CNTN3: variants seen among roughly 807,000 people sequenced by gnomAD.
CNTN3 encodes the protein contactin-3.
In CNTN3, 60 loss-of-function variants were observed where a neutral mutation model predicts 119.1. That is an observed-to-expected ratio of 0.50 (90% confidence interval 0.41 to 0.62). CNTN3 has a LOEUF of 0.62. Among genes scored for constraint, CNTN3 ranks in the 20% least tolerant of loss-of-function variants. The pLI is 0.00. For synonymous variants in CNTN3, 450 were observed against 438.7 expected, an observed-to-expected ratio of 1.03 and a Z score of -0.32; for missense variants, 1,101 against 1,242.4, an observed-to-expected ratio of 0.89 and a Z score of 1.71.
intron 2 of CNTN3, among the ~76,000 whole-genome samples, chr3:74,512,832 T>C (rs1338123470): frequency 6.6e-6 from 1 of 152,084 alleles, no homozygotes; most frequent in Non-Finnish European, 1.5e-5. Flanking sequence ...CAGTCAATGC[T>C]TCATAATTAT....
chr3:74,564,866 C>T (rs745667896), intron 1 of CNTN3, among the ~76,000 whole-genome samples: 4 of 151,984 alleles, frequency 2.6e-5, no homozygotes, highest in Non-Finnish European at 4.4e-5. Context: ...TCCAAAGATA[C>T]CGACATCGTG....
In CNTN3 at chr3:74,365,650, G is replaced by T. The variant is rs550056428; in HGVS notation, c.999C>A (p.Asp333Glu). 6.2e-7 allele frequency: 1 copy of T among 1,613,394 alleles called. No individual in the cohort carries two copies. The highest frequency in any genetic ancestry group is 8.5e-7 in the Non-Finnish European group (1 of 1,179,544). Residue 333 changes from aspartate to glutamate, a missense_variant, in exon 9 of 23, where the codon GAC (aspartate) becomes GAA (glutamate). Transcript: ENST00000263665. ...LIKDVEIAVE[D>E]SLYWECRASG... ...TTGCCCTGCATTCCCAATAAAGACT[G>T]TCCTCCACGGCTATTTCCACATCCT...
intron 2 of CNTN3, among the ~76,000 whole-genome samples, chr3:74,504,317 A>C (rs906454965): frequency 2.0e-5 from 3 of 152,190 alleles, no homozygotes; most frequent in African/African-American, 7.2e-5. Context: ...TTTAGAAAGG[A>C]ATATTCCGTG....
chr3:74,345,325 G>C (rs533562537), intron 11 of CNTN3, among the ~76,000 whole-genome samples: 1 of 152,242 alleles, frequency 6.6e-6, no homozygotes, highest in South Asian at 2.1e-4. Context: ...CCTTTCATAA[G>C]GTAATAAAAC....
chr3:74,449,430 A>C (rs1338150378), intron 4 of CNTN3, among the ~76,000 whole-genome samples: 1 of 152,106 alleles, frequency 6.6e-6, no homozygotes, highest in Non-Finnish European at 1.5e-5. Context: ...TGTTTTTGAT[A>C]AAGAGAAGAA....
At chr3:74,402,554 C>T (rs998363346) in intron 5 of CNTN3, among the ~76,000 whole-genome samples, 1 of 152,156 alleles carries the variant, frequency 6.6e-6, no homozygotes, top group Non-Finnish European at 1.5e-5. Flanking sequence ...CCAGCAGATA[C>T]CTGCATCTGT....
At chr3:74,367,777 T>C (rs756916511) in intron 8 of CNTN3, among the ~76,000 whole-genome samples, 20 of 152,136 alleles carry the variant, frequency 1.3e-4, no homozygotes, top group Non-Finnish European at 2.6e-4. Flanking sequence ...TTGTTTATTA[T>C]GTATACAGGG....
At chr3:74,473,347 T>TAA (rs1463581279) in intron 4 of CNTN3, among the ~76,000 whole-genome samples, 1 of 152,190 alleles carries the variant, frequency 6.6e-6, no homozygotes, top group Non-Finnish European at 1.5e-5. Context: ...CAGAGATCAT[T>TAA]AACCAGTGAC....
chr3:74,361,428 G>T (rs1472211331), intron 11 of CNTN3, among the ~76,000 whole-genome samples: 3 of 152,156 alleles, frequency 2.0e-5, no homozygotes, highest in Non-Finnish European at 4.4e-5. Context: ...TCATCTCAGT[G>T]TTATAATTAC....
chr3:74,517,195 C>G (rs1234276759), intron 2 of CNTN3, among the ~76,000 whole-genome samples: 1 of 151,920 alleles, frequency 6.6e-6, no homozygotes, highest in African/African-American at 2.4e-5. Flanking sequence ...CCTTTTTAGG[C>G]CAAACCAATG....
At chr3:74,528,735 T>G (rs1703654773) in intron 1 of CNTN3, among the ~76,000 whole-genome samples, 1 of 151,964 alleles carries the variant, frequency 6.6e-6, no homozygotes, top group African/African-American at 2.4e-5. Flanking sequence ...TAACCTGATA[T>G]TTTATGTATT....
chr3:74,583,557 C>T (rs774916108), intron 1 of CNTN3, among the ~76,000 whole-genome samples: 4 of 151,912 alleles, frequency 2.6e-5, no homozygotes, highest in Non-Finnish European at 4.4e-5. Context: ...ACTCGGAGGA[C>T]GTGGGGAACT....
intron 5 of CNTN3, among the ~76,000 whole-genome samples, chr3:74,379,995 G>A (rs1425157596): frequency 1.3e-5 from 2 of 152,210 alleles, no homozygotes; most frequent in African/African-American, 4.8e-5. Context: ...CCTCAAGCTT[G>A]CAGTTCCTGC....
intron 5 of CNTN3, among the ~76,000 whole-genome samples, chr3:74,407,733 A>G (rs909003054): frequency 2.0e-5 from 3 of 152,106 alleles, no homozygotes; most frequent in African/African-American, 7.2e-5. Flanking sequence ...CCACAATGCA[A>G]TATATCAATG....
At chr3:74,588,477 C>G (rs896748299) in intron 1 of CNTN3, among the ~76,000 whole-genome samples, 41 of 152,110 alleles carry the variant, frequency 2.7e-4, no homozygotes, top group African/African-American at 8.2e-4. Context: ...AATGGAAGAA[C>G]ATTCCATGCT....
At chr3:74,558,996 A>ATAATAAT (rs1704111338) in intron 1 of CNTN3, among the ~76,000 whole-genome samples, 1 of 150,046 alleles carries the variant, frequency 6.7e-6, no homozygotes, top group Non-Finnish European at 1.5e-5. Flanking sequence ...AATAATAATA[A>ATAATAAT]TAATAATAAT....
intron 20 of CNTN3, among the ~76,000 whole-genome samples, chr3:74,272,194 C>A (rs1701790982): frequency 6.6e-6 from 1 of 152,080 alleles, no homozygotes; most frequent in Non-Finnish European, 1.5e-5. Context: ...AAAAAAATCA[C>A]AAAATAATCT....
chr3:74,421,525 T>A (rs950521985), intron 5 of CNTN3, among the ~76,000 whole-genome samples: 2 of 152,240 alleles, frequency 1.3e-5, no homozygotes, highest in African/African-American at 4.8e-5. Flanking sequence ...TAGGCTGATA[T>A]AAGAGGAAAT....
In CNTN3 at chr3:74,263,367, C is replaced by T. The variant is rs1701611225; in HGVS notation, c.*1034G>A. ...CTCTGCCATCCAAAAAGAGAGGGTC[C>T]CTTAATGGAATTGGAAATTGAAATG... On this transcript the variant is annotated 3_prime_UTR_variant, in exon 23 of 23. Transcript: ENST00000263665. 6.6e-6 allele frequency: 1 copy of T among 151,976 alleles called. No homozygotes were observed. The highest frequency in any genetic ancestry group is 2.1e-4 in the South Asian group (1 of 4,820). The allele number at this position is 151,976 out of a possible 1,614,324, so 9.4% of individuals were successfully genotyped here.
Sources: gnomAD v4.1 joint callset for allele counts (sites outside exome capture counted in the v4.1 genomes callset) on GRCh38, gnomAD v4.1.1 for gene constraint, MANE v1.5 for transcripts, NCBI Gene and HGNC (gene_info 2026-07-23, HGNC 2026-07-21) for gene names.